Variants in DCC observed in about 807,000 individuals in gnomAD.
DCC encodes the protein DCC netrin 1 receptor.
In DCC, 58 loss-of-function variants were observed where a neutral mutation model predicts 172.5. The ratio of observed to expected loss-of-function variants is 0.34; its 90% CI spans 0.27 to 0.42. DCC has a LOEUF of 0.42. Ranked by LOEUF, DCC falls within the 10% of genes least tolerant of loss-of-function variation. The pLI is 1.00. For synonymous variants in DCC, 709 were observed against 644.5 expected, an observed-to-expected ratio of 1.10 and a Z score of -1.52; for missense variants, 1,740 against 1,791.0, an observed-to-expected ratio of 0.97 and a Z score of 0.51.
intron 7 of DCC, among the ~76,000 whole-genome samples, chr18:53,120,520 T>A (rs900906548): frequency 6.6e-6 from 1 of 151,840 alleles, no homozygotes; most frequent in African/African-American, 2.4e-5. Context: ...GCAATTTAAG[T>A]TTATGTTCTG....
chr18:52,777,987 AAG>A (rs1372243311), intron 2 of DCC, among the ~76,000 whole-genome samples: 1 of 145,366 alleles, frequency 6.9e-6, no homozygotes, highest in African/African-American at 2.8e-5. Context: ...AGGAAAAACA[AAG>A]AGCTGCAACA....
intron 13 of DCC, among the ~76,000 whole-genome samples, chr18:53,310,196 G>A (rs1219695125): frequency 6.6e-6 from 1 of 152,006 alleles, no homozygotes; most frequent in Non-Finnish European, 1.5e-5. Flanking sequence ...CATACTTGTA[G>A]ATTGGCTTTG....
chr18:52,454,390 A>G (rs117566807), intron 1 of DCC, among the ~76,000 whole-genome samples: 1,551 of 152,278 alleles, frequency 0.01, 61 homozygotes, highest in Admixed American at 0.067. Flanking sequence ...GTATATGTAT[A>G]TAATATATTC....
chr18:52,481,260 G>C (rs939753893), intron 1 of DCC, among the ~76,000 whole-genome samples: 1 of 152,244 alleles, frequency 6.6e-6, no homozygotes, highest in Non-Finnish European at 1.5e-5. Flanking sequence ...GTAGAGGTGC[G>C]TGCCAGCCTG....
chr18:52,990,540 C>CAAAAA (rs60491222), intron 5 of DCC, among the ~76,000 whole-genome samples: 2 of 3,674 alleles, frequency 5.4e-4, no homozygotes, highest in African/African-American at 1.4e-3. Context: ...AACTCCATCC[C>CAAAAA]AAAAAAAAAA....
intron 3 of DCC, among the ~76,000 whole-genome samples, chr18:52,910,945 A>G (rs1042993443): frequency 7.2e-5 from 11 of 152,114 alleles, no homozygotes; most frequent in Admixed American, 7.2e-4. Flanking sequence ...TCTAAAATCC[A>G]TCTTATTTGA....
chr18:52,891,138 G>A (rs751858896), intron 2 of DCC, among the ~76,000 whole-genome samples: 16 of 151,902 alleles, frequency 1.1e-4, no homozygotes, highest in South Asian at 6.2e-4. Flanking sequence ...AACTTGAGTC[G>A]GTCAGATTTC....
intron 5 of DCC, among the ~76,000 whole-genome samples, chr18:52,956,618 T>C (rs1049462726): frequency 1.4e-4 from 22 of 152,066 alleles, no homozygotes; most frequent in Admixed American, 2.6e-4. Flanking sequence ...ACTAAGTTTG[T>C]TGATAGCCAC....
chr18:53,447,704 G>A (rs1473053259), intron 22 of DCC, among the ~76,000 whole-genome samples: 2 of 152,000 alleles, frequency 1.3e-5, no homozygotes, highest in Non-Finnish European at 2.9e-5. Context: ...TATCTTCCTT[G>A]TAAGTTCTCA....
chr18:53,449,821 G>GT (rs2045385096), intron 22 of DCC, among the ~76,000 whole-genome samples: 2 of 151,900 alleles, frequency 1.3e-5, no homozygotes, highest in Non-Finnish European at 2.9e-5. Context: ...CATAAGCTTG[G>GT]GCTGCCATCA....
At chr18:52,435,797 T>G (rs1429772849) in intron 1 of DCC, among the ~76,000 whole-genome samples, 1 of 152,192 alleles carries the variant, frequency 6.6e-6, no homozygotes, top group Non-Finnish European at 1.5e-5. Context: ...TTATAGACTC[T>G]CAGTTGATCA....
At chr18:53,060,406 T>G (rs1268301458) in intron 5 of DCC, among the ~76,000 whole-genome samples, 1 of 152,168 alleles carries the variant, frequency 6.6e-6, no homozygotes, top group Non-Finnish European at 1.5e-5. Context: ...TTTTTTCCCT[T>G]GCCTGCTGTC....
Position 53,526,652 on chromosome 18 carries a change from T to G in DCC, c.4147T>G (p.Ser1383Ala). Reference sequence around the variant, plus strand: ...TCCTAAGACCCATGTGAAAACAGCCTCCCTTGGGTTGGCTGGAAAAGCAAG... The same window carrying G: ...TCCTAAGACCCATGTGAAAACAGCCGCCCTTGGGTTGGCTGGAAAAGCAAG... ...TLPKTHVKTA[S>A]LGLAGKARSP... Residue 1383 changes from serine (S) to alanine (A), a missense_variant, in exon 28 of 29, where the codon TCC (serine) becomes GCC (alanine). Physicochemically the swap from Ser to Ala is moderately conservative, Grantham distance 99 (BLOSUM62 1). Around this residue, in one of 2 missense-constraint regions of DCC, gnomAD observed 1,732 missense variants for 1,767.4 expected, o/e 0.98. Coordinates refer to ENST00000442544, the MANE Select transcript of DCC (RefSeq NM_005215.4). 6.2e-7 allele frequency: 1 copy of G among 1,613,534 alleles called. No individual in the cohort carries two copies. The highest frequency in any genetic ancestry group is 8.5e-7 in the Non-Finnish European group (1 of 1,179,622).
Position 53,339,702 on chromosome 18 carries a change from T to C in DCC, c.2165-11T>C, listed in dbSNP as rs1410111668. On this transcript the variant is annotated splice_polypyrimidine_tract_variant and intron_variant, in intron 14 of 28. Transcript: ENST00000442544. Reference sequence around the variant, plus strand: ...TGAGACATGCTGATGATGCCTCTTTTTGAATGCTAGAATCTCAAGTTCCTG... The same window carrying C: ...TGAGACATGCTGATGATGCCTCTTTCTGAATGCTAGAATCTCAAGTTCCTG... The C allele has an allele frequency of 6.2e-7, 1 of 1,612,452 alleles. No individual in the cohort carries two copies. Among genetic ancestry groups the C allele is most frequent in the African/African-American group, 1.3e-5 (1 of 74,992 alleles).
At position 53,016,353 on chromosome 18, in the gene DCC, GCAAAATA is replaced by G. The variant is rs561718444; in HGVS notation, c.986-46951_986-46945del. ...ATGTCCTATTTTGCTCTCAAACACA[GCAAAATA>G]GCAAAATAGAACATGCCTTTGAACA... On this transcript the variant is annotated intron_variant, in intron 5 of 28. Transcript: ENST00000442544. 6.5e-3 allele frequency among the ~76,000 whole-genome samples: 985 copies of G among 152,074 alleles called. 6 individuals carry two copies. Among genetic ancestry groups the G allele is most frequent in the African/African-American group, 0.023 (942 of 41,526 alleles).
At chr18:52,357,941 A>C (rs982414399) in intron 1 of DCC, among the ~76,000 whole-genome samples, 2 of 114,772 alleles carry the variant, frequency 1.7e-5, no homozygotes, top group Admixed American at 7.9e-5. Flanking sequence ...CTGTGTAAAA[A>C]AAAAAAAAAA....
chr18:52,385,408 T>C (rs1161395822), intron 1 of DCC, among the ~76,000 whole-genome samples: 1 of 152,052 alleles, frequency 6.6e-6, no homozygotes, highest in East Asian at 1.9e-4. Flanking sequence ...CCCATGTAGC[T>C]AGGACTACAG....
intron 1 of DCC, among the ~76,000 whole-genome samples, chr18:52,603,446 A>T (rs1322052520): frequency 6.6e-6 from 1 of 152,052 alleles, no homozygotes; most frequent in Admixed American, 6.6e-5. Context: ...GGAGAATAGG[A>T]AAACTATCAA....
At chr18:52,483,732 G>C (rs78575867) in intron 1 of DCC, among the ~76,000 whole-genome samples, 51 of 151,908 alleles carry the variant, frequency 3.4e-4, no homozygotes, top group African/African-American at 1.1e-3. Flanking sequence ...CTTTTCCTGG[G>C]TTTCTCAATC....
Sources: gnomAD v4.1 joint callset for allele counts (sites outside exome capture counted in the v4.1 genomes callset) on GRCh38, gnomAD v4.1.1 for gene constraint, gnomAD v4.1.1 regional missense constraint, MANE v1.5 for transcripts, NCBI Gene and HGNC (gene_info 2026-07-23, HGNC 2026-07-21) for gene names.